DAB1: variants seen among roughly 807,000 people sequenced by gnomAD.
DAB1 encodes DAB adaptor protein 1.
Under a neutral mutation model 64.6 loss-of-function variants are expected in DAB1, and 15 were observed. That is an observed-to-expected ratio of 0.23 (90% CI 0.16 to 0.36). The LOEUF is 0.36. Among genes scored for constraint, DAB1 ranks in the 10% least tolerant of loss-of-function variants. The pLI is 1.00. For synonymous variants in DAB1, 235 were observed against 251.9 expected, an observed-to-expected ratio of 0.93 and a Z score of 0.64; for missense variants, 596 against 706.7, an observed-to-expected ratio of 0.84 and a Z score of 1.78.
chr1:57,163,907 G>A (rs1660994924), intron 2 of DAB1, among the ~76,000 whole-genome samples: 1 of 152,126 alleles, frequency 6.6e-6, no homozygotes, highest in South Asian at 2.1e-4. Context: ...TCCATTGAAG[G>A]CCTGTCAAAT....
intron 1 of DAB1, among the ~76,000 whole-genome samples, chr1:57,413,873 A>C (rs1684304538): frequency 6.6e-6 from 1 of 152,094 alleles, no homozygotes; most frequent in Non-Finnish European, 1.5e-5. Flanking sequence ...GCTGACTTGG[A>C]GGGATTCAAG....
intron 4 of DAB1, among the ~76,000 whole-genome samples, chr1:58,243,062 T>TAA (rs1395597216): frequency 6.6e-6 from 1 of 152,086 alleles, no homozygotes; most frequent in Non-Finnish European, 1.5e-5. Context: ...AATTGACAAA[T>TAA]ATTTTGAGTT....
At chr1:57,562,639 T>C (rs1393635164) in intron 7 of DAB1, among the ~76,000 whole-genome samples, 3 of 152,104 alleles carry the variant, frequency 2.0e-5, no homozygotes, top group Non-Finnish European at 2.9e-5. Flanking sequence ...CGTCCAGGAA[T>C]CAAAGGATGG....
intron 1 of DAB1, among the ~76,000 whole-genome samples, chr1:58,531,101 C>A (rs1307959156): frequency 6.6e-6 from 1 of 152,136 alleles, no homozygotes; most frequent in African/African-American, 2.4e-5. Context: ...ACAGCTATTA[C>A]TAAAAGGACC....
chr1:58,416,678 TTCTGTC>T (rs1448509389), intron 3 of DAB1, among the ~76,000 whole-genome samples: 1 of 152,234 alleles, frequency 6.6e-6, no homozygotes, highest in East Asian at 1.9e-4. Context: ...CTACTTTTTT[TTCTGTC>T]TCTATTTTAT....
intron 3 of DAB1, among the ~76,000 whole-genome samples, chr1:58,450,623 A>G (rs568608272): frequency 5.5e-4 from 83 of 152,260 alleles, no homozygotes; most frequent in Admixed American, 4.5e-3. Flanking sequence ...GCGTGGTGGC[A>G]GGCACCTGTA....
intron 3 of DAB1, among the ~76,000 whole-genome samples, chr1:58,441,318 A>G (rs1216714529): frequency 1.3e-5 from 2 of 152,214 alleles, no homozygotes; most frequent in African/African-American, 4.8e-5. Flanking sequence ...CTGGGATTTA[A>G]ACCCAGGCAG....
chr1:58,122,965 A>T (rs1284054727), intron 5 of DAB1, among the ~76,000 whole-genome samples: 5 of 152,182 alleles, frequency 3.3e-5, no homozygotes, highest in Non-Finnish European at 7.3e-5. Flanking sequence ...GGAAAAAAAG[A>T]ACAGTAAGTG....
intron 1 of DAB1, among the ~76,000 whole-genome samples, chr1:57,416,330 T>C (rs77374938): frequency 0.059 from 8,910 of 152,260 alleles, 860 homozygotes; most frequent in African/African-American, 0.2. Context: ...CTGTTACTGA[T>C]GGGAAGTTAT....
chr1:57,510,398 C>A (rs1644393074), intron 7 of DAB1, among the ~76,000 whole-genome samples: 1 of 152,170 alleles, frequency 6.6e-6, no homozygotes, highest in Non-Finnish European at 1.5e-5. Context: ...GCTGGCTCCT[C>A]CTCTTCTTTG....
intron 3 of DAB1, among the ~76,000 whole-genome samples, chr1:58,398,894 T>A (rs987978975): frequency 1.3e-5 from 2 of 152,224 alleles, no homozygotes; most frequent in African/African-American, 4.8e-5. Context: ...GAGCCTCAAG[T>A]TACTCATCTG....
Position 57,019,064 on chromosome 1 carries a change from G to T in DAB1, c.896-3633C>A, listed in dbSNP as rs937832643. Among the ~76,000 whole-genome samples, 3 of 152,278 alleles carry T rather than the reference G, an allele frequency of 2.0e-5. No homozygotes were observed. In the South Asian group the frequency reaches 6.2e-4, roughly 32 times the overall value. On this transcript the variant is annotated intron_variant, in intron 11 of 14. Coordinates refer to ENST00000371236, the MANE Select transcript of DAB1 (RefSeq NM_001365792.1). ...CTTCTCTGGGCTTCCACAGTACCCT[G>T]TGCTCACCTCTATCATGACACTTGT...
intron 1 of DAB1, among the ~76,000 whole-genome samples, chr1:57,293,785 A>T (rs899011321): frequency 6.6e-6 from 1 of 152,114 alleles, no homozygotes; most frequent in African/African-American, 2.4e-5. Flanking sequence ...AATCAATTGT[A>T]TAAAACTGGA....
At chr1:58,210,158 C>A (rs1658483399) in intron 4 of DAB1, among the ~76,000 whole-genome samples, 1 of 152,112 alleles carries the variant, frequency 6.6e-6, no homozygotes, top group Non-Finnish European at 1.5e-5. Flanking sequence ...TATAAATACC[C>A]TCAAGACGTC....
intron 5 of DAB1, among the ~76,000 whole-genome samples, chr1:57,965,160 G>A (rs1645632501): frequency 6.6e-6 from 1 of 151,036 alleles, no homozygotes; most frequent in Admixed American, 6.6e-5. Context: ...GACAGAGTAG[G>A]AAACAGGCTA....
chr1:57,895,061 C>T (rs1327250030), intron 5 of DAB1, among the ~76,000 whole-genome samples: 3 of 151,218 alleles, frequency 2.0e-5, no homozygotes, highest in Admixed American at 6.6e-5. Flanking sequence ...TTAAAATGCA[C>T]AGTAGCCCTT....
intron 3 of DAB1, among the ~76,000 whole-genome samples, chr1:58,496,807 T>G (rs1380205301): frequency 6.6e-6 from 1 of 152,212 alleles, no homozygotes; most frequent in Non-Finnish European, 1.5e-5. Flanking sequence ...TAGGGTTAAT[T>G]TGGCTGGTCT....
chr1:57,678,110 T>A (rs761080409), intron 6 of DAB1, among the ~76,000 whole-genome samples: 18 of 152,016 alleles, frequency 1.2e-4, no homozygotes, highest in Middle Eastern at 3.4e-3. Context: ...TCCACAGACA[T>A]GAAACCTAGA....
rs1645571741 is a variant in DAB1 at position 56,995,124 on chromosome 1, A to G, written c.*3020T>C. 6.6e-6 allele frequency: 1 copy of G among 152,260 alleles called. No homozygotes were observed. The highest frequency in any genetic ancestry group is 1.5e-5 in the Non-Finnish European group (1 of 68,058). 9.4% of individuals were successfully genotyped at this position (152,260 alleles called of 1,614,324 possible). A position where few individuals can be genotyped will look rare whatever the true frequency, so the allele number is the denominator to read the frequency against. On this transcript the variant is annotated 3_prime_UTR_variant, in exon 15 of 15. Coordinates refer to ENST00000371236, the MANE Select transcript of DAB1 (RefSeq NM_001365792.1). Reference sequence around the variant, plus strand: ...ACACTGGGATGAGTACGAGCTATCAAAAAAGTCTTGCGGCATGTAAAGATT... The same window carrying G: ...ACACTGGGATGAGTACGAGCTATCAGAAAAGTCTTGCGGCATGTAAAGATT...
Sources: allele counts gnomAD v4.1 joint callset (sites outside exome capture counted in the v4.1 genomes callset), GRCh38; gene constraint gnomAD v4.1.1; transcripts MANE v1.5; gene names NCBI Gene and HGNC (gene_info 2026-07-23, HGNC 2026-07-21).